The following SLCO1A2 variants were observed in gnomAD, a reference collection of about 807,000 sequenced individuals.
SLCO1A2 encodes the protein OATP-1.
In SLCO1A2, 67 loss-of-function variants were observed where a neutral mutation model predicts 69.0. That is an observed-to-expected ratio of 0.97 (90% CI 0.80 to 1.19). SLCO1A2 has a LOEUF of 1.19. Among genes scored for constraint, SLCO1A2 ranks in the 50% most tolerant of loss-of-function variants. SLCO1A2 has a pLI of 0.00. For synonymous variants in SLCO1A2, 260 were observed against 265.9 expected, an observed-to-expected ratio of 0.98 and a Z score of 0.22; for missense variants, 787 against 793.7, an observed-to-expected ratio of 0.99 and a Z score of 0.10.
At chr12:21,373,373 G>A in intron 2 of SLCO1A2, 4 of 1,613,408 alleles carry the variant, frequency 2.5e-6, no homozygotes, top group Middle Eastern at 3.3e-4. Flanking sequence ...GAAGCTGCAA[G>A]TATTTCTCAT....
At chr12:21,348,456 T>G (rs1937673952) in intron 2 of SLCO1A2, among the ~76,000 whole-genome samples, 1 of 152,218 alleles carries the variant, frequency 6.6e-6, no homozygotes. Context: ...AGTTCTACTG[T>G]TTCGATTTTT....
intron 2 of SLCO1A2, among the ~76,000 whole-genome samples, chr12:21,328,749 C>A (rs933150018): frequency 6.6e-6 from 1 of 151,150 alleles, no homozygotes; most frequent in South Asian, 2.1e-4. Context: ...TTCCCCCACC[C>A]AGTTTCCCCT....
At chr12:21,346,872 C>G (rs1328025656) in intron 2 of SLCO1A2, among the ~76,000 whole-genome samples, 1 of 152,048 alleles carries the variant, frequency 6.6e-6, no homozygotes, top group Non-Finnish European at 1.5e-5. Context: ...ACAGTAATTT[C>G]CAATGAAAAT....
chr12:21,362,370 T>G (rs371407071), intron 2 of SLCO1A2, among the ~76,000 whole-genome samples: 9 of 152,104 alleles, frequency 5.9e-5, no homozygotes, highest in Non-Finnish European at 1.0e-4. Flanking sequence ...GTCACCACCA[T>G]GCCTGACTTA....
At chr12:21,391,775 T>A (rs967669293) in intron 1 of SLCO1A2, among the ~76,000 whole-genome samples, 1 of 152,062 alleles carries the variant, frequency 6.6e-6, no homozygotes, top group Non-Finnish European at 1.5e-5. Flanking sequence ...CTGGTCACTT[T>A]TAGTTCCCCC....
intron 1 of SLCO1A2, among the ~76,000 whole-genome samples, chr12:21,390,353 C>G (rs566887990): frequency 9.2e-5 from 14 of 152,012 alleles, no homozygotes; most frequent in Non-Finnish European, 1.6e-4. Flanking sequence ...TAAACAGTGT[C>G]TAATGTCCAC....
intron 2 of SLCO1A2, among the ~76,000 whole-genome samples, chr12:21,323,818 C>G (rs1450547861): frequency 1.3e-5 from 2 of 152,052 alleles, no homozygotes; most frequent in Non-Finnish European, 2.9e-5. Flanking sequence ...CATCGTGTAC[C>G]CATCCTTGGT....
chr12:21,372,616 T>C (rs1939880327), intron 2 of SLCO1A2, among the ~76,000 whole-genome samples: 1 of 152,206 alleles, frequency 6.6e-6, no homozygotes, highest in South Asian at 2.1e-4. Flanking sequence ...TTCCTTACCA[T>C]AACATACACT....
intron 2 of SLCO1A2, among the ~76,000 whole-genome samples, chr12:21,324,000 T>C (rs1951976167): frequency 6.6e-6 from 1 of 152,128 alleles, no homozygotes; most frequent in South Asian, 2.1e-4. Context: ...ATGAGAGAGA[T>C]TTGCATCTCT....
rs1258145235 is a variant in SLCO1A2 at position 21,274,549 on chromosome 12, C to T, written c.1713G>A (p.Met571Ile). ...TTCCCCAGTGTAAACATGTGGAATC[C>T]ATTAAAGCGCCAAAATATATAGGTG... Reference protein sequence around the residue: ...IPAPIYFGALMDSTCLHWGTL... With the variant: ...IPAPIYFGALIDSTCLHWGTL... Residue 571 changes from methionine (M) to isoleucine (I), a missense_variant, in exon 14 of 15, where the codon ATG (methionine) becomes ATA (isoleucine). Coordinates refer to ENST00000683939, the MANE Select transcript of SLCO1A2 (RefSeq NM_001386879.1). The T allele has an allele frequency of 6.2e-7, 1 of 1,613,534 alleles. No individual in the cohort carries two copies. Among genetic ancestry groups the T allele is most frequent in the Admixed American group, 1.7e-5 (1 of 59,994 alleles).
chr12:21,272,858 AATT>A (rs1943126467), intron 14 of SLCO1A2, among the ~76,000 whole-genome samples: 1 of 152,176 alleles, frequency 6.6e-6, no homozygotes, highest in Non-Finnish European at 1.5e-5. Flanking sequence ...GAATAAATCT[AATT>A]AATCATTTTC....
rs1942384224 is a variant in SLCO1A2 at position 21,269,328 on chromosome 12, C to A, written c.*220G>T. ...TAAAAATAAAGCTGGCTCTAAGAAT[C>A]TTCTTTAGGGGGCTGTTATTGATGT... On this transcript the variant is annotated 3_prime_UTR_variant, in exon 15 of 15. Transcript: ENST00000683939. 3 of 369,628 alleles carry A rather than the reference C, an allele frequency of 8.1e-6. No homozygotes were observed. The highest frequency in any genetic ancestry group is 9.6e-6 in the Non-Finnish European group (2 of 207,656). 22.9% of individuals were successfully genotyped at this position (369,628 alleles called of 1,614,324 possible).
At position 21,319,460 on chromosome 12, in the gene SLCO1A2, C is replaced by T. The variant is rs761642998; in HGVS notation, c.61-537G>A. 7.3e-6 allele frequency: 10 copies of T among 1,367,062 alleles called. No individual in the cohort carries two copies. The East Asian group carries it at 2.3e-4, about 31-fold the overall frequency. The allele number at this position is 1,367,062 out of a possible 1,614,324, so 84.7% of individuals were successfully genotyped here. A position where few individuals can be genotyped will look rare whatever the true frequency, so the allele number is the denominator to read the frequency against. The stretch of plus-strand genomic sequence containing the variant: ...TCAGCAATGAGGGAAATATCCAGAA[C>T]AATCTGAGTTATGTCCTCATTCTTC... On this transcript the variant is annotated intron_variant, in intron 2 of 14. Transcript: ENST00000683939.
intron 1 of SLCO1A2, among the ~76,000 whole-genome samples, chr12:21,394,366 TACAC>T (rs71043268): frequency 1.2e-4 from 18 of 147,578 alleles, no homozygotes; most frequent in South Asian, 6.6e-4. Context: ...ACCACATCTT[TACAC>T]ACACACACAC....
intron 2 of SLCO1A2, among the ~76,000 whole-genome samples, chr12:21,331,026 A>G (rs1952580624): frequency 6.6e-6 from 1 of 152,236 alleles, no homozygotes; most frequent in South Asian, 2.1e-4. Context: ...TACCAAAAAT[A>G]CCTCTTTATA....
chr12:21,402,018 C>G (rs901315909), intron 1 of SLCO1A2, among the ~76,000 whole-genome samples: 1 of 150,584 alleles, frequency 6.6e-6, no homozygotes, highest in Non-Finnish European at 1.5e-5. Context: ...CCTGCATAAT[C>G]CATGTTTAAA....
chr12:21,399,748 C>G (rs568582586), upstream of SLCO1A2, among the ~76,000 whole-genome samples: 44 of 131,912 alleles, frequency 3.3e-4, no homozygotes, highest in African/African-American at 1.2e-3. Flanking sequence ...TGATCTTTGA[C>G]AAACCTGAGG....
At chr12:21,392,088 C>T (rs1941185702) in intron 1 of SLCO1A2, among the ~76,000 whole-genome samples, 1 of 152,198 alleles carries the variant, frequency 6.6e-6, no homozygotes, top group South Asian at 2.1e-4. Flanking sequence ...CTTAAGGCCA[C>T]TTTCTTGGAT....
At chr12:21,391,959 A>G (rs1186382535) in intron 1 of SLCO1A2, among the ~76,000 whole-genome samples, 3 of 152,038 alleles carry the variant, frequency 2.0e-5, no homozygotes, top group South Asian at 2.1e-4. Flanking sequence ...TTCTCCCACA[A>G]TTGAACAAAG....
Sources: allele counts gnomAD v4.1 joint callset (sites outside exome capture counted in the v4.1 genomes callset), GRCh38; gene constraint gnomAD v4.1.1; transcripts MANE v1.5; gene names NCBI Gene and HGNC (gene_info 2026-07-23, HGNC 2026-07-21).